Variants in RNPC3 observed in about 807,000 individuals in gnomAD.
RNPC3 encodes the protein RNA binding region (RNP1, RRM) containing 3.
Under a neutral mutation model 67.5 loss-of-function variants are expected in RNPC3, and 48 were observed. The ratio of observed to expected loss-of-function variants is 0.71; its 90% CI spans 0.56 to 0.90. RNPC3 has a LOEUF of 0.90. Among genes scored for constraint, RNPC3 ranks in the 40% least tolerant of loss-of-function variants. The pLI is 0.00. For missense variants in RNPC3, 637 were observed against 626.1 expected (o/e 1.02, Z -0.19); for synonymous variants, 239 against 210.3 (o/e 1.14, Z -1.18).
intron 7 of RNPC3, among the ~76,000 whole-genome samples, chr1:103,538,801 G>A (rs910874913): frequency 2.0e-5 from 3 of 152,132 alleles, no homozygotes; most frequent in Non-Finnish European, 4.4e-5. Flanking sequence ...AGTAACTACT[G>A]CAGATGAATT....
At chr1:103,530,415 G>A (rs1650820902) in intron 2 of RNPC3, among the ~76,000 whole-genome samples, 1 of 152,122 alleles carries the variant, frequency 6.6e-6, no homozygotes, top group African/African-American at 2.4e-5. Flanking sequence ...TCTGGGAGAA[G>A]TACCTTTGAA....
intron 12 of RNPC3, among the ~76,000 whole-genome samples, chr1:103,549,349 A>G (rs1651327904): frequency 6.6e-6 from 1 of 152,120 alleles, no homozygotes; most frequent in Non-Finnish European, 1.5e-5. Flanking sequence ...TGGCCTATGT[A>G]TTTTTTTAGA....
In RNPC3 at chr1:103,526,282, G is replaced by A. The variant is rs1650705801; in HGVS notation, c.192+20G>A. On this transcript the variant is annotated intron_variant, in intron 1 of 14. Transcript: ENST00000423855. ...CGACTGGTAAGGGCGCGCCCCTCCG[G>A]AGTCTCCCGGGAAGGCATTTGGGAA... 2 of 1,513,664 alleles carry A rather than the reference G, an allele frequency of 1.3e-6. No individual in the cohort carries two copies. The highest frequency in any genetic ancestry group is 1.8e-6 in the Non-Finnish European group (2 of 1,124,516). 93.8% of individuals were successfully genotyped at this position (1,513,664 alleles called of 1,614,324 possible).
intron 2 of RNPC3, among the ~76,000 whole-genome samples, chr1:103,528,748 A>G (rs185128607): frequency 1.6e-3 from 238 of 152,302 alleles, no homozygotes; most frequent in Non-Finnish European, 2.6e-3. Flanking sequence ...GTGAATAGAT[A>G]TGTTTGCCCA....
chr1:103,531,653 T>A (rs542776500), intron 2 of RNPC3, among the ~76,000 whole-genome samples: 1 of 152,120 alleles, frequency 6.6e-6, no homozygotes, highest in Non-Finnish European at 1.5e-5. Flanking sequence ...ATTTTGAGAA[T>A]TGTCTATTCA....
chr1:103,532,963 T>C (rs1298642035), intron 2 of RNPC3, among the ~76,000 whole-genome samples: 2 of 151,940 alleles, frequency 1.3e-5, no homozygotes, highest in Non-Finnish European at 2.9e-5. Flanking sequence ...AATACAAATT[T>C]AGGATGGGAG....
chr1:103,537,032 A>T (rs1651003319), intron 6 of RNPC3, among the ~76,000 whole-genome samples: 1 of 152,176 alleles, frequency 6.6e-6, no homozygotes, highest in African/African-American at 2.4e-5. Flanking sequence ...CACAGTCTGC[A>T]GATCAGGAAG....
At chr1:103,533,950 T>G in intron 3 of RNPC3, 93 bp downstream of exon 3, 1 of 705,426 alleles carries the variant, frequency 1.4e-6, no homozygotes, top group Non-Finnish European at 2.4e-6. Flanking sequence ...GTTTTCAGAC[T>G]AGCAAGTAAT....
intron 7 of RNPC3, among the ~76,000 whole-genome samples, chr1:103,538,110 G>T (rs1289931500): frequency 6.6e-6 from 1 of 152,164 alleles, no homozygotes; most frequent in Non-Finnish European, 1.5e-5. Flanking sequence ...CTCCCAAAGT[G>T]CTGGGATTAC....
intron 9 of RNPC3, 66 bp downstream of exon 9, chr1:103,543,513 A>G (rs968200411): frequency 2.8e-5 from 32 of 1,146,788 alleles, no homozygotes; most frequent in African/African-American, 4.9e-5. Context: ...AGTTTTACAT[A>G]TAATGTTTCA....
At chr1:103,535,525 C>A in intron 5 of RNPC3, 84 bp downstream of exon 5, 1 of 801,128 alleles carries the variant, frequency 1.2e-6, no homozygotes, top group Non-Finnish European at 2.0e-6. Context: ...TAAAAGTAAT[C>A]AGACTAATTC....
At chr1:103,540,647 T>A (rs1357647118) in intron 7 of RNPC3, among the ~76,000 whole-genome samples, 1 of 152,198 alleles carries the variant, frequency 6.6e-6, no homozygotes, top group Non-Finnish European at 1.5e-5. Flanking sequence ...CTCTCTTTTG[T>A]ATTTTGTTGT....
In RNPC3 at chr1:103,551,727, G is replaced by A; in HGVS notation, c.1501G>A (p.Ala501Thr). ...LFGKPMVVQF[A>T]RSARPKQDPK... ...CTTAATTTTAAATTATTAGCAGTTT[G>A]CTCGATCTGCTAGACCAAAACAAGA... Residue 501 changes from alanine to threonine, a missense_variant, in exon 14 of 15, where the codon GCT becomes ACT. Physicochemically the swap from Ala to Thr is moderately conservative, Grantham distance 58 (BLOSUM62 0). Around this residue, in one of 3 missense-constraint regions of RNPC3, gnomAD observed 96 missense variants for 105.8 expected, o/e 0.91. Transcript: ENST00000423855. The A allele has an allele frequency of 1.3e-6, 2 of 1,526,448 alleles. No homozygotes were observed. The highest frequency in any genetic ancestry group is 1.8e-6 in the Non-Finnish European group (2 of 1,131,980). The allele number at this position is 1,526,448 out of a possible 1,614,324, so 94.6% of individuals were successfully genotyped here.
At chr1:103,544,071 T>C (rs961127698) in intron 9 of RNPC3, among the ~76,000 whole-genome samples, 4 of 151,720 alleles carry the variant, frequency 2.6e-5, no homozygotes, top group Non-Finnish European at 4.4e-5. Context: ...CAAAGTAAAA[T>C]TGTTAAAAAG....
chr1:103,553,894 G>A lies in RNPC3; in HGVS notation c.*13-1140G>A, dbSNP rs962599545. The A allele has an allele frequency of 5.3e-5, 8 of 152,084 alleles. 1 individual carries two copies. Among genetic ancestry groups the A allele is most frequent in the African/African-American group, 9.7e-5 (4 of 41,416 alleles). The allele number at this position is 152,084 out of a possible 1,614,324, so 9.4% of individuals were successfully genotyped here. On this transcript the variant is annotated intron_variant, in intron 14 of 14. Transcript: ENST00000423855. ...TCTTTTTCTAAACAAGAGAAGAAAAGCGTAATAGAGGGGAGAACACATAAT... is the reference window on the plus strand; with the variant it reads ...TCTTTTTCTAAACAAGAGAAGAAAAACGTAATAGAGGGGAGAACACATAAT...
intron 1 of RNPC3, among the ~76,000 whole-genome samples, chr1:103,526,805 T>C (rs888731049): frequency 3.3e-5 from 5 of 152,240 alleles, no homozygotes; most frequent in East Asian, 1.9e-4. Flanking sequence ...TAAGAGTACC[T>C]GTGTAGGAAT....
At chr1:103,530,796 C>T (rs1441270488) in intron 2 of RNPC3, among the ~76,000 whole-genome samples, 1 of 152,044 alleles carries the variant, frequency 6.6e-6, no homozygotes, top group Non-Finnish European at 1.5e-5. Context: ...TAGTGGTTAG[C>T]GGTGATTAGA....
At chr1:103,549,525 A>C (rs1014710207) in intron 12 of RNPC3, among the ~76,000 whole-genome samples, 11 of 152,180 alleles carry the variant, frequency 7.2e-5, no homozygotes. Context: ...TAAGGAAAAA[A>C]AAATTACTTT....
intron 3 of RNPC3, 117 bp downstream of exon 3, chr1:103,533,974 AC>A (rs763901280): frequency 2.0e-5 from 13 of 651,154 alleles, no homozygotes; most frequent in Non-Finnish European, 3.5e-5. Context: ...AAGAGGAATG[AC>A]AGATTTTTCC....
Sources: allele counts gnomAD v4.1 joint callset (sites outside exome capture counted in the v4.1 genomes callset), GRCh38; gene constraint gnomAD v4.1.1; regional missense constraint gnomAD v4.1.1; transcripts MANE v1.5; gene names NCBI Gene and HGNC (gene_info 2026-07-23, HGNC 2026-07-21).